The following EPB41 variants were observed in gnomAD, a reference collection of about 807,000 sequenced individuals.
EPB41 encodes erythrocyte membrane protein band 4.1.
In EPB41, 65 loss-of-function variants were observed where a neutral mutation model predicts 108.0. That is an observed-to-expected ratio of 0.60 (90% CI 0.49 to 0.74). The LOEUF (loss-of-function observed/expected upper bound fraction) is 0.74, where lower values mean the gene tolerates loss of function less well. EPB41 is among the 30% of genes least tolerant of loss of function. The probability of loss-of-function intolerance (pLI) is 0.00; values close to 1 mark genes in which losing one functional copy is unlikely to be tolerated. For missense variants in EPB41, 875 were observed against 1,037.0 expected (o/e 0.84, Z 2.15); for synonymous variants, 336 against 358.9 (o/e 0.94, Z 0.72).
intron 7 of EPB41, among the ~76,000 whole-genome samples, chr1:29,029,663 T>A (rs945459314): frequency 5.9e-5 from 9 of 152,204 alleles, no homozygotes; most frequent in Non-Finnish European, 1.3e-4. Flanking sequence ...ACGGGAAATT[T>A]ATAGAGGAGA....
chr1:28,941,521 C>G (rs1557749103), intron 1 of EPB41, among the ~76,000 whole-genome samples: 1 of 152,164 alleles, frequency 6.6e-6, no homozygotes, highest in Non-Finnish European at 1.5e-5. Context: ...AAATATTTGT[C>G]AAATGTTACC....
intron 7 of EPB41, among the ~76,000 whole-genome samples, chr1:29,029,943 A>G (rs567137999): frequency 2.0e-5 from 3 of 152,286 alleles, no homozygotes; most frequent in South Asian, 4.1e-4. Context: ...CCATAACTCA[A>G]TTCAGGGGTA....
intron 1 of EPB41, among the ~76,000 whole-genome samples, chr1:28,967,688 C>T (rs544758706): frequency 1.3e-5 from 2 of 152,094 alleles, no homozygotes; most frequent in Non-Finnish European, 2.9e-5. Flanking sequence ...TGACTGCAAC[C>T]TCCACCTCCT....
chr1:28,896,569 T>C (rs910338180), intron 1 of EPB41, among the ~76,000 whole-genome samples: 1 of 152,100 alleles, frequency 6.6e-6, no homozygotes, highest in Non-Finnish European at 1.5e-5. Flanking sequence ...CTTTATTGAA[T>C]AGGTGTTCTT....
intron 16 of EPB41, among the ~76,000 whole-genome samples, chr1:29,074,457 A>G (rs181371028): frequency 1.3e-5 from 2 of 152,182 alleles, no homozygotes; most frequent in African/African-American, 4.8e-5. Context: ...CTTCCTCTAC[A>G]CTTTAGTGGA....
intron 5 of EPB41, among the ~76,000 whole-genome samples, chr1:29,015,297 C>G (rs2096563329): frequency 2.0e-5 from 3 of 151,742 alleles, no homozygotes; most frequent in African/African-American, 4.8e-5. Context: ...GTGGCTCATG[C>G]CTGTAATCCC....
intron 14 of EPB41, 81 bp downstream of exon 14, chr1:29,058,933 C>A: frequency 8.4e-7 from 1 of 1,188,510 alleles, no homozygotes; most frequent in Non-Finnish European, 1.2e-6. Context: ...GACAGTGATC[C>A]ATTCTTTTCA....
intron 7 of EPB41, among the ~76,000 whole-genome samples, chr1:29,019,935 T>G (rs1289341992): frequency 6.6e-6 from 1 of 152,218 alleles, no homozygotes; most frequent in Non-Finnish European, 1.5e-5. Flanking sequence ...CAAAGAGAAC[T>G]GCACGTTTGC....
intron 1 of EPB41, among the ~76,000 whole-genome samples, chr1:28,960,123 C>T (rs1235169039): frequency 6.6e-6 from 1 of 151,668 alleles, no homozygotes; most frequent in Non-Finnish European, 1.5e-5. Flanking sequence ...CTGCCTCAGC[C>T]TCCCAGAAGC....
At chr1:29,054,561 A>C (rs1193198160) in intron 12 of EPB41, 1 of 124,712 alleles carries the variant, frequency 8.0e-6, no homozygotes, top group Non-Finnish European at 1.7e-5. Flanking sequence ...AAAAAAAAAA[A>C]CTGTTAGGCC....
At chr1:28,991,669 T>C (rs1312929272) in intron 2 of EPB41, among the ~76,000 whole-genome samples, 1 of 140,314 alleles carries the variant, frequency 7.1e-6, no homozygotes, top group Non-Finnish European at 1.5e-5. Flanking sequence ...GTCACTGCAC[T>C]CCAGCCTGGG....
rs150100122 is a variant in EPB41 at position 29,017,549 on chromosome 1, T to A, written c.906-675T>A. Among the ~76,000 whole-genome samples the A allele has an allele frequency of 1.2e-4, 19 of 152,294 alleles. No homozygotes were observed. In the East Asian group the frequency reaches 3.5e-3, roughly 28 times the overall value. The stretch of plus-strand genomic sequence containing the variant: ...AGTTCCCAACAGTTTAGCACACAGA[T>A]GGGATTAGTCTTACAAGGTGGCTAA... On this transcript the variant is annotated intron_variant, in intron 6 of 20. Transcript: ENST00000343067.
chr1:29,033,375 C>T lies in EPB41; in HGVS notation c.1365+130C>T, dbSNP rs1241409035. On this transcript the variant is annotated intron_variant, in intron 9 of 20. Coordinates refer to ENST00000343067, the MANE Select transcript of EPB41 (RefSeq NM_001376013.1). ...TTAACTATTGAAGGGCTGATAATTC[C>T]GTTTTCTAAGTTGATCAGTCCTGTG... 7 of 1,088,522 alleles carry T rather than the reference C, an allele frequency of 6.4e-6. No individual in the cohort carries two copies. The East Asian group carries it at 7.5e-5, about 12-fold the overall frequency. 67.4% of individuals were successfully genotyped at this position (1,088,522 alleles called of 1,614,324 possible).
Position 28,987,610 on chromosome 1 carries a change from G to A in EPB41, c.173G>A (p.Gly58Glu), listed in dbSNP as rs1370148720. Residue 58 changes from glycine to glutamate, a missense_variant, in exon 2 of 21, where the codon GGA becomes GAA. Around this residue, in one of 3 missense-constraint regions of EPB41, gnomAD observed 353 missense variants for 393.2 expected, o/e 0.90. Transcript: ENST00000343067. ...WCEQKLKASN[G>E]DTPTHEDLTK... ...GAACAGAAGCTGAAAGCTTCTAATGGAGACACTCCTACACATGAAGACTTG... is the reference window on the plus strand; with the variant it reads ...GAACAGAAGCTGAAAGCTTCTAATGAAGACACTCCTACACATGAAGACTTG... 6.2e-7 allele frequency: 1 copy of A among 1,614,176 alleles called. No individual in the cohort carries two copies. The highest frequency in any genetic ancestry group is 8.5e-7 in the Non-Finnish European group (1 of 1,180,020).
At chr1:29,019,630 C>T (rs2096618630) in intron 7 of EPB41, among the ~76,000 whole-genome samples, 1 of 152,146 alleles carries the variant, frequency 6.6e-6, no homozygotes, top group Non-Finnish European at 1.5e-5. Context: ...GATCACACTG[C>T]TCAAAGAGAA....
intron 1 of EPB41, among the ~76,000 whole-genome samples, chr1:28,948,700 T>C (rs531627030): frequency 3.4e-4 from 51 of 150,536 alleles, no homozygotes; most frequent in African/African-American, 1.0e-3. Flanking sequence ...CCTGTAATCC[T>C]AGCACTTTGG....
At chr1:29,043,617 C>T (rs1422934770) in intron 11 of EPB41, among the ~76,000 whole-genome samples, 1 of 152,054 alleles carries the variant, frequency 6.6e-6, no homozygotes, top group African/African-American at 2.4e-5. Flanking sequence ...GCGAGGAGTA[C>T]AAAATAAGTG....
intron 17 of EPB41, among the ~76,000 whole-genome samples, chr1:29,101,087 G>A (rs149996549): frequency 5.3e-5 from 8 of 152,182 alleles, no homozygotes; most frequent in South Asian, 2.1e-4. Context: ...AGCCGGGCAC[G>A]GTGGTGCATG....
upstream of EPB41, among the ~76,000 whole-genome samples, chr1:28,909,744 C>A (rs182001798): frequency 2.8e-4 from 43 of 151,944 alleles, 1 homozygote; most frequent in African/African-American, 1.0e-3. Flanking sequence ...CTGCTGTGAG[C>A]CATGATTGTG....
Sources: allele counts gnomAD v4.1 joint callset (sites outside exome capture counted in the v4.1 genomes callset), GRCh38; gene constraint gnomAD v4.1.1; regional missense constraint gnomAD v4.1.1; transcripts MANE v1.5; gene names NCBI Gene and HGNC (gene_info 2026-07-23, HGNC 2026-07-21).